RYR2: variants seen among roughly 807,000 people sequenced by gnomAD.
The protein encoded by RYR2 is ryanodine receptor 2.
In RYR2, 227 loss-of-function variants were observed where a neutral mutation model predicts 601.1. The ratio of observed to expected loss-of-function variants is 0.38; its 90% CI spans 0.34 to 0.42. The LOEUF is 0.42. RYR2 is among the 10% of genes least tolerant of loss of function. The pLI is 1.00. For synonymous variants in RYR2, 2,223 were observed against 2,175.1 expected, an observed-to-expected ratio of 1.02 and a Z score of -0.61; for missense variants, 4,646 against 6,156.5, an observed-to-expected ratio of 0.75 and a Z score of 8.21.
intron 24 of RYR2, among the ~76,000 whole-genome samples, chr1:237,517,889 C>T (rs1666716232): frequency 6.6e-6 from 1 of 152,074 alleles, no homozygotes; most frequent in Non-Finnish European, 1.5e-5. Flanking sequence ...TTCTCAGATG[C>T]CAACTTGCTT....
At chr1:237,208,132 A>G (rs1255181389) in intron 1 of RYR2, among the ~76,000 whole-genome samples, 3 of 152,198 alleles carry the variant, frequency 2.0e-5, no homozygotes, top group Non-Finnish European at 2.9e-5. Flanking sequence ...GGCACACCAT[A>G]TGCATGCATT....
chr1:237,692,539 C>T (rs1169451774), intron 63 of RYR2, among the ~76,000 whole-genome samples: 6 of 152,184 alleles, frequency 3.9e-5, no homozygotes, highest in Non-Finnish European at 5.9e-5. Context: ...TGGGCCACTC[C>T]GTCCTCGTGT....
intron 1 of RYR2, among the ~76,000 whole-genome samples, chr1:237,043,300 T>TGC (rs1419955385): frequency 6.6e-6 from 1 of 152,186 alleles, no homozygotes; most frequent in South Asian, 2.1e-4. Context: ...TTTGCGTGTG[T>TGC]GCGCGCGCGC....
intron 24 of RYR2, among the ~76,000 whole-genome samples, chr1:237,529,548 T>G (rs1667912613): frequency 6.6e-6 from 1 of 152,110 alleles, no homozygotes; most frequent in South Asian, 2.1e-4. Context: ...TAAAATATTA[T>G]AGAGATAAGT....
At chr1:237,110,381 C>A (rs557828057) in intron 1 of RYR2, among the ~76,000 whole-genome samples, 1 of 151,696 alleles carries the variant, frequency 6.6e-6, no homozygotes, top group Admixed American at 6.6e-5. Context: ...CGTCATTTAG[C>A]ATTAGGTATA....
chr1:237,769,374 T>C (rs1694091123), intron 84 of RYR2, among the ~76,000 whole-genome samples: 1 of 152,182 alleles, frequency 6.6e-6, no homozygotes, highest in Non-Finnish European at 1.5e-5. Context: ...AATGGACTTA[T>C]CAGCCAATTA....
intron 63 of RYR2, among the ~76,000 whole-genome samples, chr1:237,694,595 A>G (rs1236480294): frequency 6.6e-6 from 1 of 152,214 alleles, no homozygotes; most frequent in East Asian, 1.9e-4. Flanking sequence ...TATTGGAATT[A>G]GATGCCTATA....
intron 1 of RYR2, among the ~76,000 whole-genome samples, chr1:237,090,732 C>T (rs16834802): frequency 0.018 from 2,774 of 152,302 alleles, 83 homozygotes; most frequent in African/African-American, 0.061. Context: ...TCCTCCCTGA[C>T]CTTCAGGTGA....
intron 63 of RYR2, among the ~76,000 whole-genome samples, chr1:237,693,757 G>C (rs1687151538): frequency 6.6e-6 from 1 of 152,154 alleles, no homozygotes; most frequent in Admixed American, 6.5e-5. Context: ...GTTTGGAAGA[G>C]TTTTAAAAGT....
At chr1:237,583,663 A>G (rs753772945) in intron 29 of RYR2, among the ~76,000 whole-genome samples, 3 of 152,290 alleles carry the variant, frequency 2.0e-5, no homozygotes, top group Non-Finnish European at 4.4e-5. Flanking sequence ...TATTTAATAC[A>G]TGGATTCTTA....
chr1:237,307,491 A>G (rs138674086), intron 2 of RYR2, among the ~76,000 whole-genome samples: 50 of 152,366 alleles, frequency 3.3e-4, no homozygotes, highest in African/African-American at 1.1e-3. Context: ...GAATTTTTAC[A>G]ATAATTCTGT....
At chr1:237,689,975 G>C (rs1573532943) in intron 63 of RYR2, among the ~76,000 whole-genome samples, 1 of 151,658 alleles carries the variant, frequency 6.6e-6, no homozygotes, top group African/African-American at 2.4e-5. Flanking sequence ...CTCCCAAGTA[G>C]CTGGGATTAC....
chr1:237,501,621 T>G (rs1179674749), intron 21 of RYR2, among the ~76,000 whole-genome samples: 2 of 152,222 alleles, frequency 1.3e-5, no homozygotes, highest in Non-Finnish European at 2.9e-5. Flanking sequence ...CAGTTATTCT[T>G]TTAGTTATAA....
chr1:237,284,855 T>C (rs1022833077), intron 2 of RYR2, among the ~76,000 whole-genome samples: 1 of 152,032 alleles, frequency 6.6e-6, no homozygotes, highest in African/African-American at 2.4e-5. Flanking sequence ...ATAGAAGAGC[T>C]ACTGATTTGT....
intron 1 of RYR2, among the ~76,000 whole-genome samples, chr1:237,164,909 G>C (rs994578143): frequency 2.6e-5 from 4 of 151,784 alleles, no homozygotes; most frequent in African/African-American, 9.7e-5. Context: ...ATCCTACCCT[G>C]TGTAGGAATA....
chr1:237,155,813 A>G (rs1572037720), intron 1 of RYR2, among the ~76,000 whole-genome samples: 2 of 152,006 alleles, frequency 1.3e-5, no homozygotes, highest in East Asian at 3.9e-4. Flanking sequence ...AAGGCATAAA[A>G]ATTTACCATC....
chr1:237,658,067 C>G (rs1344591331), intron 54 of RYR2, 45 bp downstream of exon 54: 18 of 1,085,194 alleles, frequency 1.7e-5, no homozygotes, highest in Non-Finnish European at 2.2e-5. Flanking sequence ...TTATTAATGA[C>G]TGGTCACTGT....
At chr1:237,661,176 TAGA>T (rs1006614406) in intron 56 of RYR2, among the ~76,000 whole-genome samples, 26 of 152,220 alleles carry the variant, frequency 1.7e-4, no homozygotes, top group African/African-American at 6.0e-4. Flanking sequence ...CTGGCTAGTA[TAGA>T]AGAAGTAACC....
rs916476124 is a variant in RYR2 at position 237,163,315 on chromosome 1, G to T, written c.49-107182G>T. Among the ~76,000 whole-genome samples, 9 of 151,958 alleles carry T rather than the reference G, an allele frequency of 5.9e-5. No homozygotes were observed. In the East Asian group the frequency reaches 1.6e-3, roughly 26 times the overall value. On this transcript the variant is annotated intron_variant, in intron 1 of 104. Transcript: ENST00000366574. ...TTTCCTCACCAGTTACAGAAAAGAGGTTGTAGCTAGCAAAAAGTACCGCCC... is the reference window on the plus strand; with the variant it reads ...TTTCCTCACCAGTTACAGAAAAGAGTTTGTAGCTAGCAAAAAGTACCGCCC...
Sources: allele counts gnomAD v4.1 joint callset (sites outside exome capture counted in the v4.1 genomes callset), GRCh38; gene constraint gnomAD v4.1.1; transcripts MANE v1.5; gene names NCBI Gene and HGNC (gene_info 2026-07-23, HGNC 2026-07-21).